SPIRE1: variants seen among roughly 807,000 people sequenced by gnomAD.
SPIRE1 encodes spire type actin nucleation factor 1, also known as protein spire homolog 1.
In SPIRE1, 40 loss-of-function variants were observed where a neutral mutation model predicts 94.1. The ratio of observed to expected loss-of-function variants is 0.43; its 90% CI spans 0.33 to 0.55. SPIRE1 has a LOEUF of 0.55. SPIRE1 is among the 20% of genes least tolerant of loss of function. The probability of loss-of-function intolerance (pLI) is 0.06; values close to 1 mark genes in which losing one functional copy is unlikely to be tolerated. For missense variants in SPIRE1, 838 were observed against 975.2 expected, an observed-to-expected ratio of 0.86 and a Z score of 1.87; for synonymous variants, 376 against 371.7, an observed-to-expected ratio of 1.01 and a Z score of -0.13.
At chr18:12,583,400 G>A (rs1011205375) in intron 2 of SPIRE1, among the ~76,000 whole-genome samples, 2 of 152,166 alleles carry the variant, frequency 1.3e-5, no homozygotes, top group African/African-American at 4.8e-5. Context: ...TCAAGAGATT[G>A]AGACCATCCT....
chr18:12,555,683 G>C (rs2035484576), intron 2 of SPIRE1, among the ~76,000 whole-genome samples: 1 of 152,106 alleles, frequency 6.6e-6, no homozygotes, highest in South Asian at 2.1e-4. Flanking sequence ...AACAATAAAA[G>C]GCATATATGA....
chr18:12,493,551 C>T (rs914576190), intron 7 of SPIRE1, among the ~76,000 whole-genome samples: 33 of 151,974 alleles, frequency 2.2e-4, no homozygotes, highest in Non-Finnish European at 4.6e-4. Context: ...GGATTACAGG[C>T]GTGTGCCAAC....
chr18:12,534,579 A>G (rs1262118671), intron 4 of SPIRE1, among the ~76,000 whole-genome samples: 2 of 152,194 alleles, frequency 1.3e-5, no homozygotes, highest in African/African-American at 4.8e-5. Flanking sequence ...AGAATAAAAC[A>G]GAGGAAGGAA....
At chr18:12,461,587 A>G (rs62095753) in intron 12 of SPIRE1, among the ~76,000 whole-genome samples, 16,102 of 147,304 alleles carry the variant, frequency 0.11, 1,266 homozygotes, top group Middle Eastern at 0.22. Context: ...ACATATGTAT[A>G]TACATACATA....
At position 12,447,961 on chromosome 18, in the gene SPIRE1, A is replaced by G. The variant is rs566924051; in HGVS notation, c.*1677T>C. On this transcript the variant is annotated 3_prime_UTR_variant, in exon 17 of 17. Coordinates refer to ENST00000409402, the MANE Select transcript of SPIRE1 (RefSeq NM_001128626.2). ...GAGTATAGAGTTCAGATAGTCTCTTAGGAAGTTTTATAAATGAGATTCACC... is the reference window on the plus strand; with the variant it reads ...GAGTATAGAGTTCAGATAGTCTCTTGGGAAGTTTTATAAATGAGATTCACC... 6.6e-6 allele frequency: 1 copy of G among 152,286 alleles called. No individual in the cohort carries two copies. The highest frequency in any genetic ancestry group is 2.1e-4 in the South Asian group (1 of 4,826). The allele number at this position is 152,286 out of a possible 1,614,324, so 9.4% of individuals were successfully genotyped here. A position where few individuals can be genotyped will look rare whatever the true frequency, so the allele number is the denominator to read the frequency against.
At chr18:12,460,332 G>A (rs1435384647) in intron 12 of SPIRE1, among the ~76,000 whole-genome samples, 14 of 152,308 alleles carry the variant, frequency 9.2e-5, no homozygotes, top group Admixed American at 7.8e-4. Flanking sequence ...TAGACTGGAT[G>A]GGCATTTGCC....
chr18:12,505,394 C>A (rs2033793464), intron 6 of SPIRE1, among the ~76,000 whole-genome samples: 1 of 151,820 alleles, frequency 6.6e-6, no homozygotes, highest in South Asian at 2.1e-4. Flanking sequence ...ACAAAAAATA[C>A]AAAAAACACT....
At chr18:12,645,436 G>A (rs2038198063) in intron 1 of SPIRE1, among the ~76,000 whole-genome samples, 1 of 152,144 alleles carries the variant, frequency 6.6e-6, no homozygotes, top group Admixed American at 6.5e-5. Flanking sequence ...ACCCAGGCAA[G>A]AAGTCAGAGC....
intron 2 of SPIRE1, among the ~76,000 whole-genome samples, chr18:12,563,276 A>G (rs757279721): frequency 3.9e-5 from 6 of 151,972 alleles, no homozygotes; most frequent in Non-Finnish European, 8.8e-5. Context: ...AGTATTATCT[A>G]TGAGCATCAA....
chr18:12,529,978 T>C (rs2034638879), intron 4 of SPIRE1, among the ~76,000 whole-genome samples: 1 of 152,196 alleles, frequency 6.6e-6, no homozygotes, highest in Non-Finnish European at 1.5e-5. Context: ...AATAATTTTA[T>C]TTTTAGCCTA....
At chr18:12,471,887 T>G (rs1341599846) in intron 10 of SPIRE1, among the ~76,000 whole-genome samples, 1 of 151,702 alleles carries the variant, frequency 6.6e-6, no homozygotes, top group Non-Finnish European at 1.5e-5. Context: ...GGAGTTCAAG[T>G]GATTCCCATG....
At chr18:12,564,228 G>C (rs1387407634) in intron 2 of SPIRE1, among the ~76,000 whole-genome samples, 1 of 152,024 alleles carries the variant, frequency 6.6e-6, no homozygotes, top group Non-Finnish European at 1.5e-5. Context: ...AGCATAAACA[G>C]GCATACAGAC....
chr18:12,621,419 A>C (rs1170031603), intron 2 of SPIRE1, among the ~76,000 whole-genome samples: 2 of 152,352 alleles, frequency 1.3e-5, no homozygotes, highest in South Asian at 2.1e-4. Flanking sequence ...AAATTTGTAC[A>C]TGAAAGTTTA....
Position 12,537,315 on chromosome 18 carries a change from G to C in SPIRE1, c.604-1714C>G, listed in dbSNP as rs1294648627. Among the ~76,000 whole-genome samples, 10 of 152,060 alleles carry C rather than the reference G, an allele frequency of 6.6e-5. No homozygotes were observed. The East Asian group carries it at 1.9e-3, about 29-fold the overall frequency. On this transcript the variant is annotated intron_variant, in intron 3 of 16. Transcript: ENST00000409402. ...GACAACAACTGAGGCTTTACCTTAT[G>C]TAACTTAACCCTAATCTTACATTCC...
chr18:12,512,998 C>A (rs976596641), intron 4 of SPIRE1, among the ~76,000 whole-genome samples: 1 of 152,006 alleles, frequency 6.6e-6, no homozygotes, highest in African/African-American at 2.4e-5. Context: ...CCTTCCCTTC[C>A]TCCCTGAATA....
At chr18:12,573,023 T>G (rs146971224) in intron 2 of SPIRE1, among the ~76,000 whole-genome samples, 13 of 152,136 alleles carry the variant, frequency 8.5e-5, no homozygotes, top group Non-Finnish European at 1.8e-4. Flanking sequence ...AGCTGGACTT[T>G]ATTAAAGACA....
intron 2 of SPIRE1, among the ~76,000 whole-genome samples, chr18:12,588,859 T>C (rs117251954): frequency 0.014 from 2,087 of 152,292 alleles, 21 homozygotes; most frequent in South Asian, 0.032. Context: ...TTTCCTACTT[T>C]AGATATAGTC....
At chr18:12,598,494 C>A (rs1416541599) in intron 2 of SPIRE1, among the ~76,000 whole-genome samples, 1 of 151,876 alleles carries the variant, frequency 6.6e-6, no homozygotes, top group Non-Finnish European at 1.5e-5. Flanking sequence ...TTCACCAGAC[C>A]AAATTAACTA....
chr18:12,480,786 T>C (rs1015786449), intron 9 of SPIRE1, among the ~76,000 whole-genome samples: 1 of 152,210 alleles, frequency 6.6e-6, no homozygotes, highest in Non-Finnish European at 1.5e-5. Context: ...ATGGAACTAC[T>C]TTTCTTCAGT....
Sources: allele counts gnomAD v4.1 joint callset (sites outside exome capture counted in the v4.1 genomes callset), GRCh38; gene constraint gnomAD v4.1.1; transcripts MANE v1.5; gene names NCBI Gene and HGNC (gene_info 2026-07-23, HGNC 2026-07-21).